STK3: variants seen among roughly 807,000 people sequenced by gnomAD.
STK3 encodes the protein serine/threonine kinase 3, also known as serine/threonine-protein kinase 3.
A neutral mutation model predicts 58.0 loss-of-function variants in STK3; 41 were observed. That is an observed-to-expected ratio of 0.71 (90% CI 0.55 to 0.92). STK3 has a LOEUF of 0.92. Ranked by LOEUF, STK3 falls within the 40% of genes least tolerant of loss-of-function variation. The pLI, the probability that STK3 is intolerant of heterozygous loss-of-function variation, is 0.00. For missense variants in STK3, 479 were observed against 602.7 expected (o/e 0.79, Z 2.15); for synonymous variants, 170 against 191.0 (o/e 0.89, Z 0.91).
chr8:98,751,716 G>A (rs1829995875), intron 3 of STK3, among the ~76,000 whole-genome samples: 1 of 152,178 alleles, frequency 6.6e-6, no homozygotes, highest in African/African-American at 2.4e-5. Context: ...ACTTTGAGAG[G>A]ATCACTTGAG....
chr8:98,627,724 T>C (rs900737871), intron 6 of STK3, among the ~76,000 whole-genome samples: 2 of 152,148 alleles, frequency 1.3e-5, no homozygotes, highest in African/African-American at 4.8e-5. Context: ...CAGCTTCAGG[T>C]ATTTATTTAT....
chr8:98,573,835 T>G (rs1813166629), intron 8 of STK3, among the ~76,000 whole-genome samples: 1 of 152,092 alleles, frequency 6.6e-6, no homozygotes, highest in African/African-American at 2.4e-5. Context: ...CTTAATTGAC[T>G]CACAGTTTCA....
At chr8:98,584,855 A>G (rs1452784096) in intron 7 of STK3, among the ~76,000 whole-genome samples, 11 of 151,010 alleles carry the variant, frequency 7.3e-5, no homozygotes, top group South Asian at 4.2e-4. Context: ...GCCAGTGATG[A>G]TGAGCATTTT....
chr8:98,604,544 T>C (rs1343173131), intron 6 of STK3, among the ~76,000 whole-genome samples: 2 of 152,180 alleles, frequency 1.3e-5, no homozygotes, highest in African/African-American at 4.8e-5. Context: ...TATTTCCCTC[T>C]TGCATTGCCC....
At chr8:98,358,217 C>A in the STK3 span, among the ~76,000 whole-genome samples, 2 of 152,180 alleles carry the variant, frequency 1.3e-5, no homozygotes, top group Non-Finnish European at 1.5e-5. Flanking sequence ...GAACACAATG[C>A]GTGAAGTGAG....
At chr8:98,394,182 G>T (rs1035347703) in intron 3 of STK3, among the ~76,000 whole-genome samples, 4 of 152,194 alleles carry the variant, frequency 2.6e-5, no homozygotes, top group African/African-American at 9.6e-5. Context: ...GCCCAGAGAA[G>T]TGGCTAGAGA....
chr8:98,623,749 A>G (rs916490032), intron 6 of STK3, among the ~76,000 whole-genome samples: 1 of 152,212 alleles, frequency 6.6e-6, no homozygotes, highest in Admixed American at 6.5e-5. Flanking sequence ...ACACCATGAC[A>G]TTCCAGACTG....
At chr8:98,795,129 T>TATATATATATATATAC (rs1288218080) in intron 1 of STK3, among the ~76,000 whole-genome samples, 3 of 95,936 alleles carry the variant, frequency 3.1e-5, no homozygotes, top group African/African-American at 8.3e-5. Flanking sequence ...TATATATATA[T>TATATATATATATATAC]ACATACTAGT....
At chr8:98,654,011 C>G (rs1199973616) in intron 6 of STK3, among the ~76,000 whole-genome samples, 1 of 151,802 alleles carries the variant, frequency 6.6e-6, no homozygotes, top group African/African-American at 2.4e-5. Context: ...GATACCAAAG[C>G]CTGACAGAGA....
intron 4 of STK3, among the ~76,000 whole-genome samples, chr8:98,737,965 C>A (rs756758576): frequency 6.6e-6 from 1 of 152,118 alleles, no homozygotes; most frequent in African/African-American, 2.4e-5. Context: ...CTGCCTTGGC[C>A]TCCAGAAGTG....
At chr8:98,882,360 A>C (rs539193766), downstream of STK3, 1 of 152,140 alleles carries the variant, frequency 6.6e-6, no homozygotes, top group South Asian at 2.1e-4. Flanking sequence ...AAAAATAATC[A>C]ATATTTACAT....
the STK3 span, among the ~76,000 whole-genome samples, chr8:98,347,269 C>T: frequency 6.6e-6 from 1 of 151,952 alleles, no homozygotes; most frequent in Non-Finnish European, 1.5e-5. Flanking sequence ...AATCCCAGCA[C>T]TTTGGGAGGC....
chr8:98,561,865 T>C (rs1812061715), intron 8 of STK3, among the ~76,000 whole-genome samples: 4 of 152,110 alleles, frequency 2.6e-5, no homozygotes. Flanking sequence ...ATATTGAACA[T>C]ACACTTTGCC....
chr8:98,638,151 C>A (rs1819757523), intron 6 of STK3, among the ~76,000 whole-genome samples: 1 of 152,044 alleles, frequency 6.6e-6, no homozygotes, highest in African/African-American at 2.4e-5. Context: ...ATCAAGACTG[C>A]TTTCATACAA....
intron 10 of STK3, among the ~76,000 whole-genome samples, chr8:98,524,273 A>G (rs1438604291): frequency 6.6e-6 from 1 of 152,198 alleles, no homozygotes; most frequent in African/African-American, 2.4e-5. Context: ...AAGTTTTGAA[A>G]TCAGGAAACA....
intron 3 of STK3, among the ~76,000 whole-genome samples, chr8:98,842,964 C>T (rs1836055561): frequency 6.6e-6 from 1 of 151,802 alleles, no homozygotes; most frequent in South Asian, 2.1e-4. Context: ...CTGCAGTAGC[C>T]AAGATCATGC....
intron 7 of STK3, chr8:98,595,249 C>G (rs1815709249): frequency 6.6e-6 from 1 of 151,678 alleles, no homozygotes; most frequent in Non-Finnish European, 1.5e-5. Context: ...TTTCCATACC[C>G]CTCAATACAT....
chr8:98,584,452 T>G (rs978603808), intron 7 of STK3, among the ~76,000 whole-genome samples: 2 of 151,838 alleles, frequency 1.3e-5, no homozygotes, highest in Non-Finnish European at 2.9e-5. Flanking sequence ...GGCTGCATAG[T>G]ATTCCATGGC....
At position 98,648,855 on chromosome 8, in the gene STK3, C is replaced by T. The variant is rs544774292; in HGVS notation, c.685-52686G>A. ...GCAGTGAGCCAAGATTGTGCCACAG[C>T]ACTCCAGCCTGGGTGACAGAGCAAG... On this transcript the variant is annotated intron_variant, in intron 6 of 10. Transcript: ENST00000419617. Among the ~76,000 whole-genome samples, 72 of 150,852 alleles carry T rather than the reference C, an allele frequency of 4.8e-4. 1 individual carries two copies. The highest frequency in any genetic ancestry group is 1.4e-3 in the African/African-American group (59 of 41,032).
Sources: gnomAD v4.1 joint callset for allele counts (sites outside exome capture counted in the v4.1 genomes callset) on GRCh38, gnomAD v4.1.1 for gene constraint, MANE v1.5 for transcripts, NCBI Gene and HGNC (gene_info 2026-07-23, HGNC 2026-07-21) for gene names.